Variants in ASCC1 observed in about 807,000 individuals in gnomAD.
ASCC1 encodes the protein ASC-1 complex subunit P50.
A neutral mutation model predicts 46.6 loss-of-function variants in ASCC1; 35 were observed. The ratio of observed to expected loss-of-function variants is 0.75; its 90% confidence interval spans 0.57 to 0.99. ASCC1 has a LOEUF of 0.99. Ranked by LOEUF, ASCC1 falls within the 50% of genes least tolerant of loss-of-function variation. The pLI is 0.00. For missense variants in ASCC1, 376 were observed against 428.7 expected (o/e 0.88, Z 1.09); for synonymous variants, 143 against 146.6 (o/e 0.98, Z 0.18).
chr10:72,103,214 G>C (rs896393328), intron 9 of ASCC1, among the ~76,000 whole-genome samples: 1 of 151,126 alleles, frequency 6.6e-6, no homozygotes, highest in Non-Finnish European at 1.5e-5. Context: ...CTCACTGCAA[G>C]CTCCACCTCC....
chr10:72,149,278 A>C (rs984201078), intron 7 of ASCC1, among the ~76,000 whole-genome samples: 1 of 152,014 alleles, frequency 6.6e-6, no homozygotes, highest in African/African-American at 2.4e-5. Context: ...CTCTACTAAA[A>C]ATACAAAAAA....
chr10:72,203,360 T>C (rs1286850986), intron 4 of ASCC1, 67 bp downstream of exon 4: 2 of 1,127,946 alleles, frequency 1.8e-6, no homozygotes, highest in African/African-American at 1.5e-5. Flanking sequence ...AACACTGCAG[T>C]TGGTTACATT....
intron 9 of ASCC1, among the ~76,000 whole-genome samples, chr10:72,127,848 ACTGT>A (rs1432141316): frequency 6.6e-6 from 1 of 152,074 alleles, no homozygotes; most frequent in Non-Finnish European, 1.5e-5. Flanking sequence ...AGAGCGAGAC[ACTGT>A]CTCAGATAAA....
At chr10:72,113,631 C>T (rs555837172) in intron 9 of ASCC1, among the ~76,000 whole-genome samples, 10 of 152,214 alleles carry the variant, frequency 6.6e-5, no homozygotes, top group African/African-American at 2.2e-4. Flanking sequence ...TTTCCCTCAC[C>T]CCCTAAATAG....
In ASCC1 at chr10:72,097,164, G is replaced by GCCCACCACCATACCC. The variant is rs747415621; in HGVS notation, c.*169_*170insGGGTATGGTGGTGGG. 4 of 712,514 alleles carry GCCCACCACCATACCC rather than the reference G, an allele frequency of 5.6e-6. No individual in the cohort carries two copies. The highest frequency in any genetic ancestry group is 5.5e-5 in the South Asian group (4 of 72,300). The allele number at this position is 712,514 out of a possible 1,614,324, so 44.1% of individuals were successfully genotyped here. Reference sequence around the variant, plus strand: ...CCTTATGCCCACCACCATCTCAGCTGGTAGTATGACGGGTGTAGACACCAT... The same window carrying GCCCACCACCATACCC: ...CCTTATGCCCACCACCATCTCAGCTGCCCACCACCATACCCGTAGTATGACGGGTGTAGACACCAT... On this transcript the variant is annotated 3_prime_UTR_variant, in exon 10 of 10. Transcript: ENST00000672957.
intron 5 of ASCC1, among the ~76,000 whole-genome samples, chr10:72,165,825 G>C (rs1300449625): frequency 6.6e-6 from 1 of 152,118 alleles, no homozygotes; most frequent in Non-Finnish European, 1.5e-5. Flanking sequence ...CATTAGAAAA[G>C]GCATGCAAAG....
At chr10:72,111,342 T>C (rs1842901339) in intron 9 of ASCC1, among the ~76,000 whole-genome samples, 1 of 152,048 alleles carries the variant, frequency 6.6e-6, no homozygotes, top group African/African-American at 2.4e-5. Context: ...AAAAATTAGT[T>C]GGGTGTGGCA....
At chr10:72,177,277 A>G (rs1851975734) in intron 5 of ASCC1, among the ~76,000 whole-genome samples, 2 of 152,110 alleles carry the variant, frequency 1.3e-5, no homozygotes, top group Non-Finnish European at 2.9e-5. Context: ...GCTTTTTACA[A>G]TTTTCCTTAC....
intron 5 of ASCC1, among the ~76,000 whole-genome samples, chr10:72,180,684 AAGAT>A (rs1228958507): frequency 2.7e-5 from 4 of 146,828 alleles, no homozygotes; most frequent in African/African-American, 1.1e-4. Flanking sequence ...GGATTAACAA[AAGAT>A]TAGACACTTC....
chr10:72,189,543 C>G (rs544104495), intron 5 of ASCC1, among the ~76,000 whole-genome samples: 1 of 152,114 alleles, frequency 6.6e-6, no homozygotes, highest in Non-Finnish European at 1.5e-5. Flanking sequence ...TGGCTCACAC[C>G]TGTAATCCTA....
intron 9 of ASCC1, among the ~76,000 whole-genome samples, chr10:72,120,497 T>G (rs1844068361): frequency 6.6e-6 from 1 of 151,350 alleles, no homozygotes; most frequent in Non-Finnish European, 1.5e-5. Flanking sequence ...GGAAACAATA[T>G]TTGAAGGAAT....
In ASCC1 at chr10:72,096,355, A is replaced by C. The variant is rs1841090693; in HGVS notation, c.*979T>G. On this transcript the variant is annotated 3_prime_UTR_variant, in exon 10 of 10. Transcript: ENST00000672957. ...AACTCTGCACAGTCCTGCTGATATC[A>C]TCAGTTTCTTTTGCTGCTGCCTTGA... The C allele has an allele frequency of 2.2e-6, 1 of 453,954 alleles. No homozygotes were observed. Among genetic ancestry groups the C allele is most frequent in the Non-Finnish European group, 4.4e-6 (1 of 226,794 alleles). The allele number at this position is 453,954 out of a possible 1,614,324, so 28.1% of individuals were successfully genotyped here.
intron 6 of ASCC1, among the ~76,000 whole-genome samples, chr10:72,156,101 A>G (rs148255807): frequency 6.6e-6 from 1 of 152,320 alleles, no homozygotes; most frequent in Non-Finnish European, 1.5e-5. Flanking sequence ...TGTTGGGATC[A>G]TGGGGACAGA....
intron 6 of ASCC1, among the ~76,000 whole-genome samples, chr10:72,157,686 G>A (rs1466849130): frequency 6.6e-6 from 1 of 152,140 alleles, no homozygotes; most frequent in Non-Finnish European, 1.5e-5. Flanking sequence ...ACAACAACCT[G>A]AGTGTACTTA....
intron 9 of ASCC1, among the ~76,000 whole-genome samples, chr10:72,125,187 C>T (rs146258057): frequency 5.3e-5 from 8 of 152,310 alleles, no homozygotes; most frequent in African/African-American, 9.6e-5. Flanking sequence ...TAAATTCTTA[C>T]AGCAATGAGC....
At chr10:72,137,072 G>A (rs1177085010) in intron 7 of ASCC1, among the ~76,000 whole-genome samples, 1 of 151,964 alleles carries the variant, frequency 6.6e-6, no homozygotes, top group Non-Finnish European at 1.5e-5. Context: ...ACCATGCCCA[G>A]CTAATTTTTT....
At chr10:72,214,365 CTCTTT>C (rs1345552348) in intron 1 of ASCC1, among the ~76,000 whole-genome samples, 6 of 138,658 alleles carry the variant, frequency 4.3e-5, no homozygotes, top group African/African-American at 1.4e-4. Context: ...TGCACAATAT[CTCTTT>C]TTTTTTTTTT....
intron 5 of ASCC1, among the ~76,000 whole-genome samples, chr10:72,163,081 A>G (rs1849901503): frequency 6.6e-6 from 1 of 152,134 alleles, no homozygotes. Flanking sequence ...ATGAGGTACC[A>G]TTTCACACCC....
rs563429592 is a variant in ASCC1, at chr10:72,184,238, C to CA, written c.489+12572dup. Among the ~76,000 whole-genome samples the CA allele has an allele frequency of 3.7e-3, 531 of 141,840 alleles. 5 individuals are homozygous for CA. Among genetic ancestry groups the CA allele is most frequent in the South Asian group, 0.018 (79 of 4,478 alleles). The allele number at this position is 141,840 out of a possible 152,430, so 93.1% of individuals were successfully genotyped here. A position where few individuals can be genotyped will look rare whatever the true frequency, so the allele number is the denominator to read the frequency against. On this transcript the variant is annotated intron_variant, in intron 5 of 9. Transcript: ENST00000672957. ...ACAAACAAAAAAGAACAAAGAAGAC[C>CA]AAAAAAAAAATAAAGAAGAGACAGA...
Sources: allele counts gnomAD v4.1 joint callset (sites outside exome capture counted in the v4.1 genomes callset), GRCh38; gene constraint gnomAD v4.1.1; transcripts MANE v1.5; gene names NCBI Gene and HGNC (gene_info 2026-07-23, HGNC 2026-07-21).